The following ST3GAL3 variants were observed in gnomAD, a reference collection of about 807,000 sequenced individuals.
ST3GAL3 encodes the protein ST3 beta-galactoside alpha-2,3-sialyltransferase 3, also known as CMP-N-acetylneuraminate-beta-1,4-galactoside alpha-2,3-sialyltransferase.
A neutral mutation model predicts 50.1 loss-of-function variants in ST3GAL3; 21 were observed. The ratio of observed to expected loss-of-function variants is 0.42; its 90% CI spans 0.30 to 0.60. The LOEUF (loss-of-function observed/expected upper bound fraction) is 0.60. Ranked by LOEUF, ST3GAL3 falls within the 20% of genes least tolerant of loss-of-function variation. The pLI, the probability that ST3GAL3 is intolerant of heterozygous loss-of-function variation, is 0.19. For synonymous variants in ST3GAL3, 183 were observed against 190.0 expected (o/e 0.96, Z 0.30); for missense variants, 353 against 489.4 (o/e 0.72, Z 2.63).
intron 2 of ST3GAL3, among the ~76,000 whole-genome samples, chr1:43,775,431 G>A (rs949771710): frequency 1.3e-5 from 2 of 151,816 alleles, no homozygotes; most frequent in African/African-American, 2.4e-5. Context: ...ATGGAGTTTC[G>A]CCATGTTGGC....
At chr1:43,763,359 AT>A (rs1357006405) in intron 2 of ST3GAL3, among the ~76,000 whole-genome samples, 1 of 152,192 alleles carries the variant, frequency 6.6e-6, no homozygotes, top group African/African-American at 2.4e-5. Flanking sequence ...TGGTTGTTAT[AT>A]TCCTTACAAT....
At chr1:43,834,691 G>C (rs1262736068) in intron 4 of ST3GAL3, among the ~76,000 whole-genome samples, 2 of 152,152 alleles carry the variant, frequency 1.3e-5, no homozygotes, top group Non-Finnish European at 2.9e-5. Flanking sequence ...ATATCATGTG[G>C]TGACTCTCCC....
chr1:43,888,100 G>A (rs569686160), intron 5 of ST3GAL3, among the ~76,000 whole-genome samples: 2 of 152,242 alleles, frequency 1.3e-5, no homozygotes, highest in African/African-American at 2.4e-5. Flanking sequence ...GTGAAGAAAA[G>A]CCACAGGATA....
chr1:43,743,926 G>A (rs936008705), intron 2 of ST3GAL3, among the ~76,000 whole-genome samples: 2 of 149,596 alleles, frequency 1.3e-5, no homozygotes, highest in Admixed American at 6.7e-5. Context: ...AAACAAAATG[G>A]CCAATGGTAT....
chr1:43,897,056 T>C (rs1156875645), intron 6 of ST3GAL3, among the ~76,000 whole-genome samples: 1 of 151,602 alleles, frequency 6.6e-6, no homozygotes, highest in Non-Finnish European at 1.5e-5. Flanking sequence ...TTTTAATGGC[T>C]GTATAGGATT....
chr1:43,923,650 CTG>C (rs1304344007), intron 11 of ST3GAL3, among the ~76,000 whole-genome samples: 1 of 152,130 alleles, frequency 6.6e-6, no homozygotes, highest in African/African-American at 2.4e-5. Flanking sequence ...GGGTTTCACT[CTG>C]TTGCCCAAGC....
rs146770349 is a variant in ST3GAL3 at position 43,923,661 on chromosome 1, G to T, written c.1038+2733G>T. ...GATAGGGTTTCACTCTGTTGCCCAA[G>T]CTGGAGTGCAGTGGTGTGATGATAG... On this transcript the variant is annotated intron_variant, in intron 11 of 11. Transcript: ENST00000347631. Among the ~76,000 whole-genome samples, 12 of 152,280 alleles carry T rather than the reference G, an allele frequency of 7.9e-5. No individual in the cohort carries two copies. The East Asian group carries it at 2.3e-3, about 29-fold the overall frequency.
intron 2 of ST3GAL3, among the ~76,000 whole-genome samples, chr1:43,751,932 T>A (rs1185849146): frequency 6.6e-6 from 1 of 151,704 alleles, no homozygotes; most frequent in Non-Finnish European, 1.5e-5. Flanking sequence ...GATTCTCCTG[T>A]CTCAGTTTCC....
At chr1:43,894,058 G>GC (rs2077015472) in intron 5 of ST3GAL3, 4 of 391,930 alleles carry the variant, frequency 1.0e-5, no homozygotes, top group Non-Finnish European at 2.0e-5. Flanking sequence ...GGGCAGCAGT[G>GC]ACTATTTGAT....
chr1:43,747,342 G>A (rs1684176714), intron 2 of ST3GAL3, among the ~76,000 whole-genome samples: 1 of 151,846 alleles, frequency 6.6e-6, no homozygotes, highest in African/African-American at 2.4e-5. Flanking sequence ...AACCCAGGAG[G>A]CGGATATTGC....
At chr1:43,715,200 C>G (rs1666766231) in intron 1 of ST3GAL3, among the ~76,000 whole-genome samples, 1 of 151,738 alleles carries the variant, frequency 6.6e-6, no homozygotes, top group South Asian at 2.1e-4. Context: ...TGAGTATTCC[C>G]AAATAACTTT....
chr1:43,795,400 C>G (rs148774416), intron 3 of ST3GAL3, among the ~76,000 whole-genome samples: 2 of 152,154 alleles, frequency 1.3e-5, no homozygotes, highest in African/African-American at 4.8e-5. Context: ...TCAGTTTTCC[C>G]GACAACACCT....
chr1:43,879,064 C>A, intron 5 of ST3GAL3: 2 of 456,144 alleles, frequency 4.4e-6, no homozygotes, highest in South Asian at 3.1e-5. Context: ...AGAATGACTG[C>A]GGCAGGAAAC....
rs577093323 is a variant in ST3GAL3 at position 43,861,968 on chromosome 1, C to T, written c.302+23657C>T. ...GCTTGAACTCGGGAGGCGGAGGTTG[C>T]GGTGAGCCAAGATCACGCCATTGTA... On this transcript the variant is annotated intron_variant, in intron 5 of 11. Transcript: ENST00000347631. Among the ~76,000 whole-genome samples the T allele has an allele frequency of 2.7e-5, 4 of 150,200 alleles. No individual in the cohort carries two copies. In the East Asian group the frequency reaches 5.9e-4, roughly 22 times the overall value.
At chr1:43,906,891 G>A (rs1204007959) in intron 9 of ST3GAL3, among the ~76,000 whole-genome samples, 9 of 152,200 alleles carry the variant, frequency 5.9e-5, no homozygotes, top group Non-Finnish European at 4.4e-5. Flanking sequence ...TATGTTACTT[G>A]TGTAAGGTCA....
At chr1:43,755,237 C>G (rs1687610563) in intron 2 of ST3GAL3, among the ~76,000 whole-genome samples, 2 of 152,072 alleles carry the variant, frequency 1.3e-5, no homozygotes, top group Non-Finnish European at 2.9e-5. Flanking sequence ...ATAAGAAACC[C>G]ATAATGCTAA....
intron 11 of ST3GAL3, among the ~76,000 whole-genome samples, chr1:43,923,557 T>C (rs2154296999): frequency 6.6e-6 from 1 of 152,326 alleles, no homozygotes; most frequent in South Asian, 2.1e-4. Context: ...AGGTGGTTCA[T>C]AGACAGCTGT....
intron 5 of ST3GAL3, among the ~76,000 whole-genome samples, chr1:43,845,775 G>A (rs2066153420): frequency 6.6e-6 from 1 of 151,610 alleles, no homozygotes; most frequent in African/African-American, 2.4e-5. Context: ...CATTGTAATG[G>A]TATAAATTTC....
intron 4 of ST3GAL3, among the ~76,000 whole-genome samples, chr1:43,815,450 T>G (rs1249600211): frequency 6.6e-6 from 1 of 152,160 alleles, no homozygotes; most frequent in Non-Finnish European, 1.5e-5. Flanking sequence ...CTTGGAAAAC[T>G]AAAAAAACTA....
Sources: gnomAD v4.1 joint callset for allele counts (sites outside exome capture counted in the v4.1 genomes callset) on GRCh38, gnomAD v4.1.1 for gene constraint, MANE v1.5 for transcripts, NCBI Gene and HGNC (gene_info 2026-07-23, HGNC 2026-07-21) for gene names.